Variants in THSD4 observed in about 807,000 individuals in gnomAD.
THSD4 encodes the protein thrombospondin type 1 domain containing 4.
THSD4 carries 69 observed loss-of-function variants against 119.0 expected under a neutral mutation model. The observed-to-expected ratio is 0.58, with a 90% CI of 0.48 to 0.71. The LOEUF (loss-of-function observed/expected upper bound fraction) is 0.71. Ranked by LOEUF, THSD4 falls within the 30% of genes least tolerant of loss-of-function variation. The pLI, the probability that THSD4 is intolerant of heterozygous loss-of-function variation, is 0.00. For missense variants in THSD4, 1,393 were observed against 1,391.1 expected (o/e 1.00, Z -0.02); for synonymous variants, 524 against 540.4 (o/e 0.97, Z 0.42).
intron 8 of THSD4, among the ~76,000 whole-genome samples, chr15:71,661,753 A>G (rs1379378862): frequency 6.6e-6 from 1 of 152,236 alleles, no homozygotes; most frequent in African/African-American, 2.4e-5. Context: ...AAATCAGTTA[A>G]CAATATAAGG....
chr15:71,373,862 T>C (rs1482019786), intron 6 of THSD4, among the ~76,000 whole-genome samples: 1 of 152,198 alleles, frequency 6.6e-6, no homozygotes, highest in East Asian at 1.9e-4. Flanking sequence ...GAGAAAGCAT[T>C]ATATACACAC....
chr15:71,374,891 G>A (rs1026478533), intron 6 of THSD4, among the ~76,000 whole-genome samples: 6 of 152,160 alleles, frequency 3.9e-5, no homozygotes, highest in South Asian at 2.1e-4. Flanking sequence ...ATGCACAGAC[G>A]TGCTGCTTGG....
At chr15:71,673,468 G>GT (rs1247720348) in intron 8 of THSD4, among the ~76,000 whole-genome samples, 1 of 152,054 alleles carries the variant, frequency 6.6e-6, no homozygotes, top group Admixed American at 6.6e-5. Flanking sequence ...TTTTTGAAGG[G>GT]TTTTTTGTGT....
rs1290804563 is a variant in THSD4, at chr15:71,777,356, C to G, written c.3039C>G (p.Gly1013=). 2 of 1,613,928 alleles carry G rather than the reference C, an allele frequency of 1.2e-6. No homozygotes were observed. Among genetic ancestry groups the G allele is most frequent in the Non-Finnish European group, 1.7e-6 (2 of 1,180,012 alleles). ...SCTRVANRQT[G]FLGSR is the part of the protein sequence containing the mutation. ...CCCGTGTGGCCAACAGGCAGACGGGCTTCCTGGGGAGCAGATAACACTCCT... is the reference window on the plus strand; with the variant it reads ...CCCGTGTGGCCAACAGGCAGACGGGGTTCCTGGGGAGCAGATAACACTCCT... The change falls in exon 18 of 18, where the codon GGC becomes GGG. Residue 1013 remains glycine (G), a synonymous_variant. Transcript: ENST00000261862.
Position 71,590,619 on chromosome 15 carries a change from G to A in THSD4, c.1153-69911G>A, listed in dbSNP as rs187337909. 2.3e-5 allele frequency among the ~76,000 whole-genome samples: 2 copies of A among 88,656 alleles called. 1 individual carries two copies. The highest frequency in any genetic ancestry group is 6.0e-5 in the Non-Finnish European group (2 of 33,404). The allele number at this position is 88,656 out of a possible 152,430, so 58.2% of individuals were successfully genotyped here. A position where few individuals can be genotyped will look rare whatever the true frequency, so the allele number is the denominator to read the frequency against. ...TAATGGATGCTGGGCTTAATACCTG[G>A]GTGATGGGATGATCTGTGCAGCAAA... On this transcript the variant is annotated intron_variant, in intron 7 of 17. Coordinates refer to ENST00000261862, the MANE Select transcript of THSD4 (RefSeq NM_024817.3).
chr15:71,568,555 T>TA (rs1359974387), intron 7 of THSD4, among the ~76,000 whole-genome samples: 1 of 142,222 alleles, frequency 7.0e-6, no homozygotes, highest in African/African-American at 2.5e-5. Context: ...GTTATACTCT[T>TA]ACCTCTTTTT....
intron 8 of THSD4, among the ~76,000 whole-genome samples, chr15:71,710,077 A>G (rs1439552043): frequency 6.6e-6 from 1 of 152,226 alleles, no homozygotes; most frequent in Non-Finnish European, 1.5e-5. Context: ...TAAGATAGAT[A>G]AACTTCAAGC....
At chr15:71,114,462 C>G (rs751881294), upstream of THSD4, among the ~76,000 whole-genome samples, 35 of 152,190 alleles carry the variant, frequency 2.3e-4, no homozygotes, top group African/African-American at 8.0e-4. Flanking sequence ...TCTGGACAGC[C>G]TCTTCAAATA....
chr15:71,715,849 G>T (rs957030590), intron 8 of THSD4, among the ~76,000 whole-genome samples: 1 of 149,432 alleles, frequency 6.7e-6, no homozygotes, highest in Admixed American at 6.7e-5. Context: ...TTAGTCTTTT[G>T]CAAGCCAACC....
chr15:71,232,758 C>A (rs1276313379), intron 4 of THSD4, among the ~76,000 whole-genome samples: 3 of 152,190 alleles, frequency 2.0e-5, no homozygotes, highest in Non-Finnish European at 2.9e-5. Context: ...AATGTGACAT[C>A]AAACCAAATA....
In THSD4 at chr15:71,561,346, G is replaced by A. The variant is rs181850131; in HGVS notation, c.1153-99184G>A. On this transcript the variant is annotated intron_variant, in intron 7 of 17. Transcript: ENST00000261862. The stretch of plus-strand genomic sequence containing the variant: ...AGTGAAGATTAAGGAGGTGATTTCC[G>A]TAAAGTGTTTGGTATGAGAATATGC... Among the ~76,000 whole-genome samples, 221 of 152,212 alleles carry A rather than the reference G, an allele frequency of 1.5e-3. 2 individuals are homozygous for A. The highest frequency in any genetic ancestry group is 2.3e-3 in the Non-Finnish European group (158 of 68,018).
In THSD4 at chr15:71,349,220, A is replaced by C. The variant is rs7173016; in HGVS notation, c.1016-62467A>C. On this transcript the variant is annotated intron_variant, in intron 6 of 17. Transcript: ENST00000261862. ...TAAAAACAAGGCTACTCTGAGTTAC[A>C]GGGATTAAAGTAGATATGTTGTATA... Among the ~76,000 whole-genome samples the C allele has an allele frequency of 2.1e-3, 325 of 152,352 alleles. 4 individuals carry two copies. Among genetic ancestry groups the C allele is most frequent in the African/African-American group, 7.3e-3 (305 of 41,588 alleles).
At chr15:71,677,819 T>C (rs1176445049) in intron 8 of THSD4, among the ~76,000 whole-genome samples, 1 of 152,232 alleles carries the variant, frequency 6.6e-6, no homozygotes, top group Non-Finnish European at 1.5e-5. Context: ...CTTTTAATTG[T>C]ATCGTCTGTC....
At chr15:71,167,998 GT>G (rs2043310580) in intron 3 of THSD4, among the ~76,000 whole-genome samples, 1 of 152,214 alleles carries the variant, frequency 6.6e-6, no homozygotes. Context: ...CTGGTACAGA[GT>G]TTAAGTAGCT....
At chr15:71,733,790 C>G (rs1015263622) in intron 10 of THSD4, 1 of 151,660 alleles carries the variant, frequency 6.6e-6, no homozygotes, top group African/African-American at 2.4e-5. Context: ...TGTGGTGGCA[C>G]TCACCTGTAA....
intron 7 of THSD4, among the ~76,000 whole-genome samples, chr15:71,657,338 G>A (rs937703710): frequency 2.6e-5 from 4 of 151,952 alleles, no homozygotes; most frequent in Non-Finnish European, 4.4e-5. Flanking sequence ...TAGTCCAGAG[G>A]TCATTCCCCA....
chr15:71,300,285 T>C (rs1278925038), intron 6 of THSD4, among the ~76,000 whole-genome samples: 2 of 152,178 alleles, frequency 1.3e-5, no homozygotes, highest in Non-Finnish European at 2.9e-5. Context: ...GATGAACCTC[T>C]CCTGTCACTC....
At chr15:71,342,341 G>T (rs1028573764) in intron 6 of THSD4, 7 of 155,276 alleles carry the variant, frequency 4.5e-5, no homozygotes, top group Admixed American at 3.8e-4. Flanking sequence ...AAAGAAATGG[G>T]GGCTTGTGCT....
At chr15:71,751,496 GTATCTT>G (rs1349714894) in intron 14 of THSD4, among the ~76,000 whole-genome samples, 1 of 151,762 alleles carries the variant, frequency 6.6e-6, no homozygotes, top group African/African-American at 2.4e-5. Context: ...AGATATAAAT[GTATCTT>G]TATATCATAA....
Sources: gnomAD v4.1 joint callset for allele counts (sites outside exome capture counted in the v4.1 genomes callset) on GRCh38, gnomAD v4.1.1 for gene constraint, MANE v1.5 for transcripts, NCBI Gene and HGNC (gene_info 2026-07-23, HGNC 2026-07-21) for gene names.